Variants in CDK14 observed in about 807,000 individuals in gnomAD.
CDK14 encodes cyclin dependent kinase 14, also known as cyclin-dependent kinase 14.
In CDK14, 34 loss-of-function variants were observed where a neutral mutation model predicts 60.7. That is an observed-to-expected ratio of 0.56 (90% CI 0.43 to 0.75). The LOEUF (loss-of-function observed/expected upper bound fraction) is 0.75. Among genes scored for constraint, CDK14 ranks in the 30% least tolerant of loss-of-function variants. The pLI is 0.00. For missense variants in CDK14, 482 were observed against 564.1 expected (o/e 0.85, Z 1.47); for synonymous variants, 197 against 203.7 (o/e 0.97, Z 0.28).
At position 91,070,118 on chromosome 7, in the gene CDK14, G is replaced by A. The variant is rs768602394; in HGVS notation, c.1106-9314G>A. Among the ~76,000 whole-genome samples, 35 of 152,262 alleles carry A rather than the reference G, an allele frequency of 2.3e-4. No individual in the cohort carries two copies. In the Middle Eastern group the frequency reaches 0.014, roughly 59 times the overall value. ...AGCCTGTGTATTGTGTTGACTAACT[G>A]TTTTATTTTAAACTGGTCTGTCCTT... On this transcript the variant is annotated intron_variant, in intron 11 of 14. Coordinates refer to ENST00000380050, the MANE Select transcript of CDK14 (RefSeq NM_001287135.2).
chr7:90,604,197 CT>C lies in CDK14; in HGVS notation c.92-17del. 2 of 1,498,584 alleles carry C rather than the reference CT, an allele frequency of 1.3e-6. No individual in the cohort carries two copies. The highest frequency in any genetic ancestry group is 2.1e-5 in the Admixed American group (1 of 46,640). 92.8% of individuals were successfully genotyped at this position (1,498,584 alleles called of 1,614,324 possible). A position where few individuals can be genotyped will look rare whatever the true frequency, so the allele number is the denominator to read the frequency against. On this transcript the variant is annotated intron_variant, in intron 1 of 14. Coordinates refer to ENST00000380050, the MANE Select transcript of CDK14 (RefSeq NM_001287135.2). ...TGGAATTTTTCACAATAACTGTTTC[CT>C]TTTCCTTCTTATTTTATAGCTTTGA...
chr7:91,130,325 T>C (rs912574319), intron 14 of CDK14, among the ~76,000 whole-genome samples: 1 of 152,190 alleles, frequency 6.6e-6, no homozygotes, highest in Non-Finnish European at 1.5e-5. Flanking sequence ...AATTCTGTTT[T>C]CATGTTAACA....
At chr7:90,792,764 A>T (rs1584897656) in intron 5 of CDK14, among the ~76,000 whole-genome samples, 1 of 152,274 alleles carries the variant, frequency 6.6e-6, no homozygotes, top group African/African-American at 2.4e-5. Context: ...CTACTCTGTT[A>T]GCCGTATAAT....
chr7:90,968,170 A>G (rs1195944161), intron 9 of CDK14, among the ~76,000 whole-genome samples: 1 of 152,208 alleles, frequency 6.6e-6, no homozygotes, highest in East Asian at 1.9e-4. Flanking sequence ...TTTAGATGCT[A>G]TATTATGTAA....
At chr7:91,116,813 C>T (rs1023165353) in intron 13 of CDK14, among the ~76,000 whole-genome samples, 2 of 151,902 alleles carry the variant, frequency 1.3e-5, no homozygotes, top group African/African-American at 2.4e-5. Context: ...TCTCTCATTG[C>T]TTTCCTTTAG....
chr7:91,027,372 C>T (rs529845026), intron 10 of CDK14, among the ~76,000 whole-genome samples: 9 of 152,304 alleles, frequency 5.9e-5, no homozygotes, highest in Non-Finnish European at 1.2e-4. Context: ...CAGAGAACTG[C>T]AGACATCCAC....
At chr7:90,889,955 A>T in intron 6 of CDK14, among the ~76,000 whole-genome samples, 1 of 152,186 alleles carries the variant, frequency 6.6e-6, no homozygotes, top group East Asian at 1.9e-4. Flanking sequence ...GCACTTTTTT[A>T]CTGGTTCATG....
intron 5 of CDK14, among the ~76,000 whole-genome samples, chr7:90,854,101 G>C (rs1023709582): frequency 1.3e-5 from 2 of 152,180 alleles, no homozygotes; most frequent in East Asian, 3.8e-4. Context: ...TGGCAAAGGA[G>C]ATGTTTTCTG....
chr7:90,650,278 G>A (rs112535312), intron 2 of CDK14, among the ~76,000 whole-genome samples: 5,807 of 152,202 alleles, frequency 0.038, 163 homozygotes, highest in Non-Finnish European at 0.054. Context: ...GTCTGTTCAT[G>A]TCCTTTGCCC....
At chr7:90,761,344 T>C (rs1175563294) in intron 4 of CDK14, among the ~76,000 whole-genome samples, 1 of 151,202 alleles carries the variant, frequency 6.6e-6, no homozygotes, top group East Asian at 1.9e-4. Context: ...TTTTTTTTTT[T>C]AAAGAGTTAG....
intron 14 of CDK14, among the ~76,000 whole-genome samples, chr7:91,154,079 A>C (rs1800902402): frequency 6.6e-6 from 1 of 152,134 alleles, no homozygotes; most frequent in Non-Finnish European, 1.5e-5. Context: ...AAAGTCACCA[A>C]ACCTCAGAAA....
At chr7:90,995,536 A>G (rs1447381527) in intron 10 of CDK14, among the ~76,000 whole-genome samples, 1 of 152,190 alleles carries the variant, frequency 6.6e-6, no homozygotes, top group Non-Finnish European at 1.5e-5. Flanking sequence ...TACCTAATAT[A>G]ACTCTTTTAT....
chr7:91,162,973 T>C (rs949157422), intron 14 of CDK14, among the ~76,000 whole-genome samples: 8 of 152,182 alleles, frequency 5.3e-5, no homozygotes, highest in Admixed American at 5.2e-4. Context: ...GTAATACCAG[T>C]TGTGCAGGCA....
chr7:90,729,336 G>A (rs983030743), intron 3 of CDK14, among the ~76,000 whole-genome samples: 1 of 96,692 alleles, frequency 1.0e-5, no homozygotes, highest in Non-Finnish European at 1.9e-5. Flanking sequence ...GATCATGTAG[G>A]TATCAAGGTT....
chr7:90,916,446 C>T (rs1260496948), intron 7 of CDK14, among the ~76,000 whole-genome samples: 2 of 152,196 alleles, frequency 1.3e-5, no homozygotes, highest in Non-Finnish European at 1.5e-5. Context: ...ATTAACTTTA[C>T]TGTTATTTCA....
chr7:90,803,122 A>C (rs1179124951), intron 5 of CDK14, among the ~76,000 whole-genome samples: 1 of 148,728 alleles, frequency 6.7e-6, no homozygotes, highest in African/African-American at 2.5e-5. Context: ...TTTTTCTTGC[A>C]GTATCTAAGA....
intron 7 of CDK14, among the ~76,000 whole-genome samples, chr7:90,903,650 A>G (rs1398960082): frequency 6.6e-6 from 1 of 152,180 alleles, no homozygotes; most frequent in Non-Finnish European, 1.5e-5. Context: ...TGTTGACAGC[A>G]CAGTAGTCTA....
chr7:90,709,989 G>A, intron 2 of CDK14: 1 of 1,001,942 alleles, frequency 1.0e-6, no homozygotes, highest in Non-Finnish European at 1.2e-6. Flanking sequence ...ATTACAGGAG[G>A]GGTTTTAATT....
At chr7:90,963,086 A>AGAGTGTGTGTGT (rs146903374) in intron 9 of CDK14, among the ~76,000 whole-genome samples, 3,817 of 142,106 alleles carry the variant, frequency 0.027, 77 homozygotes, top group South Asian at 0.045. Flanking sequence ...TCATCTTAAG[A>AGAGTGTGTGTGT]GTGTGTGTGT....
Sources: gnomAD v4.1 joint callset for allele counts (sites outside exome capture counted in the v4.1 genomes callset) on GRCh38, gnomAD v4.1.1 for gene constraint, MANE v1.5 for transcripts, NCBI Gene and HGNC (gene_info 2026-07-23, HGNC 2026-07-21) for gene names.